Variants in STAT5B observed in about 807,000 individuals in gnomAD.
STAT5B encodes the protein transcription factor STAT5B.
A neutral mutation model predicts 107.8 loss-of-function variants in STAT5B; 21 were observed. The ratio of observed to expected loss-of-function variants is 0.19; its 90% CI spans 0.14 to 0.28. The LOEUF is 0.28. Ranked by LOEUF, STAT5B falls within the 10% of genes least tolerant of loss-of-function variation. STAT5B has a pLI of 1.00. For missense variants in STAT5B, 565 were observed against 1,008.2 expected (o/e 0.56, Z 5.95); for synonymous variants, 325 against 401.7 (o/e 0.81, Z 2.28).
At chr17:42,226,259 A>G (rs1264469575) in intron 3 of STAT5B, among the ~76,000 whole-genome samples, 4 of 152,130 alleles carry the variant, frequency 2.6e-5, no homozygotes, top group African/African-American at 7.2e-5. Context: ...TAAAATGCCA[A>G]TGTAATGAAA....
chr17:42,252,129 ACT>A (rs1418462299), intron 1 of STAT5B, among the ~76,000 whole-genome samples: 3 of 152,150 alleles, frequency 2.0e-5, no homozygotes. Context: ...AGAAATAGAC[ACT>A]CTGATACAGA....
At chr17:42,218,415 T>C in intron 8 of STAT5B, 85 bp from the exon 9 acceptor site, 1 of 1,556,474 alleles carries the variant, frequency 6.4e-7, no homozygotes, top group Non-Finnish European at 8.7e-7. Context: ...GGGGTGGGGC[T>C]GCCTCCCGAG....
At chr17:42,216,223 C>T (rs2080170896) in intron 11 of STAT5B, 117 bp from the exon 12 acceptor site, 1 of 864,372 alleles carries the variant, frequency 1.2e-6, no homozygotes, top group South Asian at 1.5e-5. Context: ...GTTAATGTTC[C>T]TCTCAGACAC....
upstream of STAT5B, among the ~76,000 whole-genome samples, chr17:42,280,398 T>C (rs2080790704): frequency 6.6e-6 from 1 of 152,058 alleles, no homozygotes; most frequent in Non-Finnish European, 1.5e-5. Flanking sequence ...ACATCCTCCC[T>C]CACTCCTGCC....
chr17:42,265,926 G>A (rs1024411636), intron 1 of STAT5B, among the ~76,000 whole-genome samples: 1 of 151,556 alleles, frequency 6.6e-6, no homozygotes, highest in African/African-American at 2.4e-5. Flanking sequence ...TTCTATTATG[G>A]GAATCATCTT....
At chr17:42,222,199 G>A (rs573248325) in intron 5 of STAT5B, among the ~76,000 whole-genome samples, 17 of 151,138 alleles carry the variant, frequency 1.1e-4, no homozygotes, top group African/African-American at 4.2e-4. Context: ...GTCTGTGTGT[G>A]CTGTGTGTGT....
In STAT5B at chr17:42,268,951, T is replaced by C. The variant is rs1468512074; in HGVS notation, c.-11+7297A>G. Reference sequence around the variant, plus strand: ...TTAAGAGATCAAGTGTTCAAGTTTCTTTTTATATAGGCTACAATGACATGT... The same window carrying C: ...TTAAGAGATCAAGTGTTCAAGTTTCCTTTTATATAGGCTACAATGACATGT... On this transcript the variant is annotated intron_variant, in intron 1 of 18. Coordinates refer to ENST00000293328, the MANE Select transcript of STAT5B (RefSeq NM_012448.4). 7.2e-5 allele frequency among the ~76,000 whole-genome samples: 11 copies of C among 152,364 alleles called. No homozygotes were observed. In the East Asian group the frequency reaches 1.5e-3, roughly 21 times the overall value.
chr17:42,230,356 AGACGGT>A (rs1375717800), intron 2 of STAT5B, among the ~76,000 whole-genome samples: 1 of 152,208 alleles, frequency 6.6e-6, no homozygotes, highest in East Asian at 1.9e-4. Context: ...CCCATGGCTA[AGACGGT>A]GAGGCTTGAA....
At chr17:42,231,957 T>C (rs891633629) in intron 2 of STAT5B, 43 bp downstream of exon 2, 4 of 1,612,254 alleles carry the variant, frequency 2.5e-6, no homozygotes, top group African/African-American at 1.3e-5. Flanking sequence ...TCCAATATTC[T>C]TGTGTTTCAC....
intron 13 of STAT5B, among the ~76,000 whole-genome samples, chr17:42,211,435 G>T (rs2080128438): frequency 6.6e-6 from 1 of 152,152 alleles, no homozygotes; most frequent in Non-Finnish European, 1.5e-5. Flanking sequence ...GAAACCAGGA[G>T]GCGGCGGTTG....
intron 3 of STAT5B, 39 bp downstream of exon 3, chr17:42,227,490 G>A: frequency 1.2e-6 from 2 of 1,612,254 alleles, no homozygotes; most frequent in Non-Finnish European, 1.7e-6. Flanking sequence ...AGACCCCCAA[G>A]GGAAGGTAAT....
At chr17:42,282,869 G>A in the STAT5B span, among the ~76,000 whole-genome samples, 2 of 152,198 alleles carry the variant, frequency 1.3e-5, no homozygotes, top group Admixed American at 6.5e-5. Flanking sequence ...TGACATTCCA[G>A]GTAGATGGAA....
intron 3 of STAT5B, 141 bp downstream of exon 3, chr17:42,227,388 A>T: frequency 8.0e-7 from 1 of 1,249,724 alleles, no homozygotes; most frequent in Non-Finnish European, 1.1e-6. Flanking sequence ...TAAAAAAAAA[A>T]AAAAAGACCA....
the STAT5B span, among the ~76,000 whole-genome samples, chr17:42,285,038 T>C: frequency 2.6e-5 from 4 of 152,176 alleles, no homozygotes; most frequent in African/African-American, 9.7e-5. Context: ...CTATTATTAT[T>C]CCTAATAAAA....
chr17:42,236,504 T>C (rs1159380722), intron 1 of STAT5B, among the ~76,000 whole-genome samples: 2 of 152,190 alleles, frequency 1.3e-5, no homozygotes, highest in Non-Finnish European at 2.9e-5. Flanking sequence ...TGCAGTGGCA[T>C]GATCTCGGCT....
At chr17:42,217,952 C>T in intron 9 of STAT5B, 199 bp downstream of exon 9, 1 of 841,834 alleles carries the variant, frequency 1.2e-6, no homozygotes, top group Non-Finnish European at 1.8e-6. Context: ...GTGATCTGCC[C>T]ACCTCGGCCT....
At chr17:42,287,254 G>GCAA in the STAT5B span, among the ~76,000 whole-genome samples, 3 of 152,028 alleles carry the variant, frequency 2.0e-5, no homozygotes. Context: ...GTAGTAAGGG[G>GCAA]CAAGAAAGGA....
intron 1 of STAT5B, among the ~76,000 whole-genome samples, chr17:42,238,374 T>G (rs1465575603): frequency 6.8e-6 from 1 of 146,808 alleles, no homozygotes; most frequent in Non-Finnish European, 1.5e-5. Flanking sequence ...GGTCTCAAAC[T>G]CCTCACCTCA....
intron 1 of STAT5B, among the ~76,000 whole-genome samples, chr17:42,245,372 G>C (rs1359623474): frequency 2.0e-5 from 3 of 147,594 alleles, no homozygotes; most frequent in Non-Finnish European, 3.0e-5. Context: ...TACCGCGCCT[G>C]GCTGAGTCTT....
Sources: allele counts gnomAD v4.1 joint callset (sites outside exome capture counted in the v4.1 genomes callset), GRCh38; gene constraint gnomAD v4.1.1; transcripts MANE v1.5; gene names NCBI Gene and HGNC (gene_info 2026-07-23, HGNC 2026-07-21).